PWWP2A: variants seen among roughly 807,000 people sequenced by gnomAD.
PWWP2A encodes PWWP domain-containing protein 2A.
A neutral mutation model predicts 48.5 loss-of-function variants in PWWP2A; 18 were observed. The ratio of observed to expected loss-of-function variants is 0.37; its 90% CI spans 0.26 to 0.55. The LOEUF is 0.55. Ranked by LOEUF, PWWP2A falls within the 20% of genes least tolerant of loss-of-function variation. PWWP2A has a pLI of 0.81. For missense variants in PWWP2A, 867 were observed against 976.4 expected (o/e 0.89, Z 1.49); for synonymous variants, 396 against 387.7 (o/e 1.02, Z -0.25).
chr5:160,081,858 C>CTAAT (rs934391321), intron 2 of PWWP2A, among the ~76,000 whole-genome samples: 2 of 152,074 alleles, frequency 1.3e-5, no homozygotes, highest in African/African-American at 4.8e-5. Flanking sequence ...ACTCTGAGAT[C>CTAAT]ATTAGTTAGA....
chr5:160,093,977 A>G lies in PWWP2A; in HGVS notation c.673T>C (p.Phe225Leu). 1 of 1,614,046 alleles carries G rather than the reference A, an allele frequency of 6.2e-7. No homozygotes were observed. The highest frequency in any genetic ancestry group is 8.5e-7 in the Non-Finnish European group (1 of 1,179,884). Residue 225 changes from phenylalanine (F) to leucine (L), a missense_variant, in exon 2 of 2, where the codon TTC becomes CTC. By Grantham distance (22) the Phe-to-Leu change is conservative (BLOSUM62 0). Coordinates refer to ENST00000307063, the MANE Select transcript of PWWP2A (RefSeq NM_001130864.2). The surrounding 1 kb of genome is among the most constrained non-coding windows in gnomAD (Gnocchi z 5.8). ...PEAMPLQSNT[F>L]QEGTEVKCEA... ...CACTTGACTTCTGTCCCTTCTTGGA[A>G]TGTATTACTTTGGAGCGGCATGGCT... is the stretch of plus-strand genomic sequence containing the variant.
chr5:160,060,489 CAT>C (rs1262141720), downstream of PWWP2A, among the ~76,000 whole-genome samples: 1 of 152,254 alleles, frequency 6.6e-6, no homozygotes, highest in East Asian at 1.9e-4. Context: ...TAGTTCAGGA[CAT>C]GTGGACATAT....
chr5:160,111,602 C>G (rs1757582718), intron 1 of PWWP2A, among the ~76,000 whole-genome samples: 1 of 152,028 alleles, frequency 6.6e-6, no homozygotes, highest in South Asian at 2.1e-4. Flanking sequence ...CGACTGCACT[C>G]CAGTCTCTGT....
chr5:160,078,819 C>A lies in PWWP2A; in HGVS notation c.1670-651G>T, dbSNP rs1266246792. On this transcript the variant is annotated intron_variant, in intron 3 of 3. Coordinates refer to the PWWP2A transcript ENST00000456329. This position sits in a 1 kb window ranked among gnomAD's most constrained non-coding sequence, Gnocchi z 4.2. ...TTAGACGGACCAGTATCCCTTGTTACACCAGCAAACGTGATTCTCAGCAGA... is the reference window on the plus strand; with the variant it reads ...TTAGACGGACCAGTATCCCTTGTTAAACCAGCAAACGTGATTCTCAGCAGA... Among the ~76,000 whole-genome samples, 1 of 152,186 alleles carries A rather than the reference C, an allele frequency of 6.6e-6. No individual in the cohort carries two copies. The highest frequency in any genetic ancestry group is 1.5e-5 in the Non-Finnish European group (1 of 68,032).
At chr5:160,076,387 T>C (rs552678987) in exon 4 of PWWP2A, 40 of 152,338 alleles carry the variant, frequency 2.6e-4, no homozygotes, top group African/African-American at 9.4e-4. Flanking sequence ...GCTGGTGTTA[T>C]GTATCTGAAA....
chr5:160,082,960 C>T (rs777533149), intron 2 of PWWP2A, among the ~76,000 whole-genome samples: 4 of 152,118 alleles, frequency 2.6e-5, no homozygotes, highest in Admixed American at 6.6e-5. Context: ...TCCCTCTTAG[C>T]GTGCACGAAA....
At chr5:160,074,141 T>TA (rs1753810595), downstream of PWWP2A, among the ~76,000 whole-genome samples, 2 of 151,112 alleles carry the variant, frequency 1.3e-5, no homozygotes, top group African/African-American at 2.4e-5. Flanking sequence ...AAAGGATGCT[T>TA]AAAAAATAAC....
the PWWP2A span, chr5:160,049,686 A>G: frequency 2.0e-6 from 3 of 1,522,978 alleles, no homozygotes; most frequent in Non-Finnish European, 2.6e-6. Context: ...TTTTAAAAAT[A>G]TTTTTCCTTC....
At chr5:160,049,569 T>C in the PWWP2A span, 1 of 1,611,444 alleles carries the variant, frequency 6.2e-7, no homozygotes, top group Non-Finnish European at 8.5e-7. Context: ...CAGAGTTGTA[T>C]GAGAAGACGG....
chr5:160,047,159 GACTTC>G, the PWWP2A span, among the ~76,000 whole-genome samples: 1 of 152,120 alleles, frequency 6.6e-6, no homozygotes, highest in Non-Finnish European at 1.5e-5. Flanking sequence ...CTTCAACTCT[GACTTC>G]TACCCTGTAG....
chr5:160,096,088 G>A (rs1174441886), intron 1 of PWWP2A, among the ~76,000 whole-genome samples: 1 of 152,150 alleles, frequency 6.6e-6, no homozygotes, highest in African/African-American at 2.4e-5. Flanking sequence ...AACGTGGGCA[G>A]GATTTACAAA....
Position 160,077,410 on chromosome 5 carries a change from GT to G in PWWP2A, c.*744del, listed in dbSNP as rs1753944472. On this transcript the variant is annotated 3_prime_UTR_variant, in exon 4 of 4. Coordinates refer to the PWWP2A transcript ENST00000456329. This position sits in a 1 kb window ranked among gnomAD's most constrained non-coding sequence, Gnocchi z 4.2. Reference sequence around the variant, plus strand: ...ATCAACACTAGCCTATCCACTTTGAGTCAAAATTTGAAAGGTAAGAATGTAA... The same window carrying G: ...ATCAACACTAGCCTATCCACTTTGAGCAAAATTTGAAAGGTAAGAATGTAA... The G allele has an allele frequency of 6.6e-6, 1 of 152,164 alleles. No individual in the cohort carries two copies. The highest frequency in any genetic ancestry group is 2.4e-5 in the African/African-American group (1 of 41,448). The allele number at this position is 152,164 out of a possible 1,614,324, so 9.4% of individuals were successfully genotyped here.
Position 160,119,438 on chromosome 5 carries a change from G to A in PWWP2A, c.-50C>T. The A allele has an allele frequency of 1.5e-6, 2 of 1,354,090 alleles. No individual in the cohort carries two copies. Among genetic ancestry groups the A allele is most frequent in the East Asian group, 3.1e-5 (1 of 32,146 alleles). 83.9% of individuals were successfully genotyped at this position (1,354,090 alleles called of 1,614,324 possible). Reference sequence around the variant, plus strand: ...CAACTCCGGCTGCAGCGGCGGCGGCGACAGCGCTGCTTGGTTCCCTGGGCC... The same window carrying A: ...CAACTCCGGCTGCAGCGGCGGCGGCAACAGCGCTGCTTGGTTCCCTGGGCC... On this transcript the variant is annotated 5_prime_UTR_variant, in exon 1 of 2. Coordinates refer to ENST00000307063, the MANE Select transcript of PWWP2A (RefSeq NM_001130864.2).
chr5:160,101,648 ATT>A (rs924788608), intron 1 of PWWP2A, among the ~76,000 whole-genome samples: 1 of 107,432 alleles, frequency 9.3e-6, no homozygotes, highest in Admixed American at 9.2e-5. Context: ...GTTAAAATAC[ATT>A]TTGTTATTTT....
chr5:160,091,269 A>G (rs778758737), downstream of PWWP2A: 32 of 975,692 alleles, frequency 3.3e-5, no homozygotes, highest in Non-Finnish European at 3.9e-5. Flanking sequence ...TCTTCTAAAC[A>G]CTCTTACAAA....
Position 160,092,726 on chromosome 5 carries a change from C to T in PWWP2A, c.1924G>A (p.Val642Ile), listed in dbSNP as rs755281403. 87 of 1,551,464 alleles carry T rather than the reference C, an allele frequency of 5.6e-5. No homozygotes were observed. The highest frequency in any genetic ancestry group is 7.1e-5 in the Non-Finnish European group (82 of 1,146,978). The part of the protein sequence containing the change: ...SLKMKVFSKN[V>I]SKCVTPDGRT... ...CCATCTGGTGTGACGCATTTAGAGA[C>T]GTTTTTGGAAAAGACTTTCATTTTC... The change falls in exon 2 of 2, where the codon GTC (valine) becomes ATC (isoleucine). Residue 642 changes from valine to isoleucine, a missense_variant. This residue lies in a region of PWWP2A where 97 missense variants were observed against 151.7 expected (regional missense o/e 0.64). Coordinates refer to ENST00000307063, the MANE Select transcript of PWWP2A (RefSeq NM_001130864.2).
chr5:160,116,624 AT>A, intron 1 of PWWP2A: 1 of 982,118 alleles, frequency 1.0e-6, no homozygotes, highest in Non-Finnish European at 1.2e-6. Context: ...ACTAAAGAAA[AT>A]TTTTTAAAAA....
At chr5:160,113,622 A>G (rs1237082134) in intron 1 of PWWP2A, among the ~76,000 whole-genome samples, 1 of 152,264 alleles carries the variant, frequency 6.6e-6, no homozygotes. Flanking sequence ...GGCAAGAACT[A>G]AAACTTCAGA....
downstream of PWWP2A, among the ~76,000 whole-genome samples, chr5:160,088,843 G>A (rs746398637): frequency 6.6e-6 from 1 of 152,144 alleles, no homozygotes; most frequent in African/African-American, 2.4e-5. Context: ...TAGACTTAAG[G>A]TATTTCCAAT....
Sources: gnomAD v4.1 joint callset for allele counts (sites outside exome capture counted in the v4.1 genomes callset) on GRCh38, gnomAD v4.1.1 for gene constraint, gnomAD v4.1.1 regional missense constraint, Gnocchi (gnomAD v3.1) non-coding constraint, MANE v1.5 for transcripts, NCBI Gene and HGNC (gene_info 2026-07-23, HGNC 2026-07-21) for gene names.